The following EDIL3 variants were observed in gnomAD, a reference collection of about 807,000 sequenced individuals.
EDIL3 encodes the protein EGF like and discoidin domains 3.
Under a neutral mutation model 67.4 loss-of-function variants are expected in EDIL3, and 37 were observed. The ratio of observed to expected loss-of-function variants is 0.55; its 90% confidence interval spans 0.42 to 0.72. The LOEUF (loss-of-function observed/expected upper bound fraction) is 0.72, where lower values mean the gene tolerates loss of function less well. Ranked by LOEUF, EDIL3 falls within the 30% of genes least tolerant of loss-of-function variation. EDIL3 has a pLI of 0.00. For synonymous variants in EDIL3, 195 were observed against 196.3 expected, an observed-to-expected ratio of 0.99 and a Z score of 0.05; for missense variants, 527 against 586.3, an observed-to-expected ratio of 0.90 and a Z score of 1.04.
At chr5:83,976,346 G>C (rs1319851936) in intron 9 of EDIL3, among the ~76,000 whole-genome samples, 1 of 151,710 alleles carries the variant, frequency 6.6e-6, no homozygotes, top group East Asian at 1.9e-4. Flanking sequence ...TTTTTTTCTG[G>C]AAAGCTTTCA....
At chr5:84,242,339 T>A (rs978365389) in intron 2 of EDIL3, among the ~76,000 whole-genome samples, 27 of 152,114 alleles carry the variant, frequency 1.8e-4, no homozygotes, top group Admixed American at 1.7e-3. Flanking sequence ...TTGCTCAAAG[T>A]CACAGACTTA....
At chr5:84,334,160 G>C (rs963354094) in intron 1 of EDIL3, among the ~76,000 whole-genome samples, 1 of 150,552 alleles carries the variant, frequency 6.6e-6, no homozygotes, top group Admixed American at 6.7e-5. Flanking sequence ...TCTGCCTCCC[G>C]GGTTCAAGCG....
intron 4 of EDIL3, among the ~76,000 whole-genome samples, chr5:84,143,163 T>A (rs1352058532): frequency 6.6e-6 from 1 of 152,080 alleles, no homozygotes; most frequent in African/African-American, 2.4e-5. Context: ...CCCACTCAGA[T>A]GCTGAACTTA....
intron 1 of EDIL3, among the ~76,000 whole-genome samples, chr5:84,332,537 T>C (rs947207769): frequency 6.6e-6 from 1 of 152,224 alleles, no homozygotes; most frequent in Non-Finnish European, 1.5e-5. Flanking sequence ...TTAAGGAACT[T>C]AAAAGAATCT....
chr5:84,037,156 C>A (rs760888317), intron 9 of EDIL3, among the ~76,000 whole-genome samples: 11 of 152,164 alleles, frequency 7.2e-5, no homozygotes, highest in African/African-American at 2.7e-4. Flanking sequence ...CACAAATGCA[C>A]CCTATGGGTA....
intron 5 of EDIL3, among the ~76,000 whole-genome samples, chr5:84,133,464 C>CAAAAAA (rs5869210): frequency 9.7e-4 from 84 of 86,478 alleles, no homozygotes; most frequent in African/African-American, 2.1e-3. Flanking sequence ...ACTAAAAATA[C>CAAAAAA]AAAAAAAAAA....
At chr5:84,309,821 T>C (rs1219115327) in intron 1 of EDIL3, among the ~76,000 whole-genome samples, 1 of 152,322 alleles carries the variant, frequency 6.6e-6, no homozygotes, top group South Asian at 2.1e-4. Flanking sequence ...TGTGTCTTTA[T>C]AGCAGCATGA....
intron 8 of EDIL3, among the ~76,000 whole-genome samples, chr5:84,063,946 C>T (rs774890460): frequency 6.6e-6 from 1 of 152,052 alleles, no homozygotes; most frequent in Non-Finnish European, 1.5e-5. Context: ...AAGTGAAATG[C>T]CTAGATACAA....
At chr5:84,228,058 A>C (rs923323812) in intron 3 of EDIL3, among the ~76,000 whole-genome samples, 1 of 152,038 alleles carries the variant, frequency 6.6e-6, no homozygotes, top group Non-Finnish European at 1.5e-5. Flanking sequence ...AATTAAGAAT[A>C]ATAAAGAAAT....
At chr5:84,246,493 C>A (rs1024265248) in intron 2 of EDIL3, among the ~76,000 whole-genome samples, 5 of 152,168 alleles carry the variant, frequency 3.3e-5, no homozygotes, top group African/African-American at 9.7e-5. Flanking sequence ...TTTAATAAAT[C>A]CATTAAACTC....
Position 84,143,184 on chromosome 5 carries a change from A to G in EDIL3, c.356-5830T>C, listed in dbSNP as rs937799027. Among the ~76,000 whole-genome samples, 3 of 152,066 alleles carry G rather than the reference A, an allele frequency of 2.0e-5. No homozygotes were observed. In the South Asian group the frequency reaches 6.2e-4, roughly 31 times the overall value. On this transcript the variant is annotated intron_variant, in intron 4 of 10. Transcript: ENST00000296591. ...CAGATGCTGAACTTAATTATGTCAC[A>G]ATCAGAATTATCTAGATAATTTATT... is the stretch of plus-strand genomic sequence containing the variant.
intron 4 of EDIL3, among the ~76,000 whole-genome samples, chr5:84,172,402 C>T (rs1273808827): frequency 4.0e-5 from 6 of 151,768 alleles, no homozygotes; most frequent in Non-Finnish European, 8.8e-5. Flanking sequence ...AGCAACATGA[C>T]GAAACTCTGA....
chr5:84,197,179 T>A (rs544367264), intron 3 of EDIL3, among the ~76,000 whole-genome samples: 1 of 152,124 alleles, frequency 6.6e-6, no homozygotes, highest in Admixed American at 6.6e-5. Context: ...TAGAATCCTA[T>A]GTGCCAAGGG....
Position 83,988,759 on chromosome 5 carries a change from T to C in EDIL3, c.1138-25399A>G, listed in dbSNP as rs551482689. On this transcript the variant is annotated intron_variant, in intron 9 of 10. Coordinates refer to ENST00000296591, the MANE Select transcript of EDIL3 (RefSeq NM_005711.5). ...TATATTTTAAATTAATTTTCCTTTA[T>C]ATCTAGTCAAAACATGTTTGTTCCT... is the stretch of plus-strand genomic sequence containing the variant. 2.6e-5 allele frequency among the ~76,000 whole-genome samples: 4 copies of C among 152,304 alleles called. No individual in the cohort carries two copies. In the East Asian group the frequency reaches 5.8e-4, roughly 22 times the overall value.
rs545268731 is a variant in EDIL3 at position 84,223,116 on chromosome 5, A to T, written c.226+6739T>A. Among the ~76,000 whole-genome samples, 23 of 151,832 alleles carry T rather than the reference A, an allele frequency of 1.5e-4. 1 individual carries two copies. The South Asian group carries it at 4.8e-3, about 31-fold the overall frequency. On this transcript the variant is annotated intron_variant, in intron 3 of 10. Coordinates refer to ENST00000296591, the MANE Select transcript of EDIL3 (RefSeq NM_005711.5). ...TTTATGGTTTCAGAGCTTATGTTTAAGTTTTCAATCTATTTTGAGTTCATT... is the reference window on the plus strand; with the variant it reads ...TTTATGGTTTCAGAGCTTATGTTTATGTTTTCAATCTATTTTGAGTTCATT...
rs112057075 is a variant in EDIL3, at chr5:84,248,539, C to A, written c.196+5545G>T. The stretch of plus-strand genomic sequence containing the variant: ...CTATTATCCTGTTTCTAGACAGACT[C>A]ATCCATTCCCTAAGCTTCAATAACC... On this transcript the variant is annotated intron_variant, in intron 2 of 10. Transcript: ENST00000296591. 2.5e-3 allele frequency among the ~76,000 whole-genome samples: 377 copies of A among 152,290 alleles called. 1 individual carries two copies. Among genetic ancestry groups the A allele is most frequent in the African/African-American group, 8.4e-3 (351 of 41,562 alleles).
At chr5:83,994,846 C>T (rs1306639190) in intron 9 of EDIL3, among the ~76,000 whole-genome samples, 1 of 152,074 alleles carries the variant, frequency 6.6e-6, no homozygotes, top group Non-Finnish European at 1.5e-5. Context: ...CATTATGTGC[C>T]AGGGTTTTTA....
At chr5:84,291,635 T>C (rs201191054) in intron 1 of EDIL3, among the ~76,000 whole-genome samples, 2 of 149,426 alleles carry the variant, frequency 1.3e-5, no homozygotes, top group East Asian at 3.9e-4. Flanking sequence ...TATGTGTGTG[T>C]ATATATCTAT....
At chr5:84,073,375 T>C (rs575996870) in intron 6 of EDIL3, among the ~76,000 whole-genome samples, 1 of 152,036 alleles carries the variant, frequency 6.6e-6, no homozygotes, top group Non-Finnish European at 1.5e-5. Flanking sequence ...GGAAATAAAG[T>C]GTATTCAATT....
Sources: gnomAD v4.1 joint callset for allele counts (sites outside exome capture counted in the v4.1 genomes callset) on GRCh38, gnomAD v4.1.1 for gene constraint, MANE v1.5 for transcripts, NCBI Gene and HGNC (gene_info 2026-07-23, HGNC 2026-07-21) for gene names.